Variants in AGBL4 observed in about 807,000 individuals in gnomAD.
AGBL4 encodes cytosolic carboxypeptidase 6.
Under a neutral mutation model 66.4 loss-of-function variants are expected in AGBL4, and 58 were observed. That is an observed-to-expected ratio of 0.87 (90% CI 0.71 to 1.09). The LOEUF (loss-of-function observed/expected upper bound fraction) is 1.09. Among genes scored for constraint, AGBL4 ranks in the 50% least tolerant of loss-of-function variants. AGBL4 has a pLI of 0.00. For synonymous variants in AGBL4, 234 were observed against 222.9 expected (o/e 1.05, Z -0.44); for missense variants, 579 against 631.0 (o/e 0.92, Z 0.88).
At chr1:49,658,076 C>G (rs1438850524) in intron 3 of AGBL4, among the ~76,000 whole-genome samples, 1 of 152,140 alleles carries the variant, frequency 6.6e-6, no homozygotes, top group Non-Finnish European at 1.5e-5. Context: ...AGGCAACCTA[C>G]AGAATGGGAG....
intron 9 of AGBL4, 109 bp from the exon 10 acceptor site, chr1:48,591,094 C>CCTG: frequency 1.3e-6 from 1 of 752,290 alleles, no homozygotes; most frequent in Non-Finnish European, 2.0e-6. Context: ...CCACCCACCC[C>CCTG]CCCCCACACA....
chr1:48,693,299 G>A (rs1002261420), intron 6 of AGBL4, among the ~76,000 whole-genome samples: 16 of 152,130 alleles, frequency 1.1e-4, no homozygotes, highest in African/African-American at 3.6e-4. Flanking sequence ...TATTTAGTCC[G>A]ATCTCACCAT....
intron 1 of AGBL4, among the ~76,000 whole-genome samples, chr1:49,953,702 C>CA (rs914196899): frequency 1.2e-3 from 170 of 142,964 alleles, no homozygotes; most frequent in East Asian, 8.1e-3. Flanking sequence ...TTCCAAACTC[C>CA]AAAAAAAAAA....
intron 2 of AGBL4, among the ~76,000 whole-genome samples, chr1:49,808,358 CAGG>C (rs1312539927): frequency 1.3e-5 from 2 of 152,116 alleles, no homozygotes; most frequent in Non-Finnish European, 2.9e-5. Context: ...AAAGGGAAGA[CAGG>C]AGGAGGCTCA....
At chr1:48,631,839 T>C (rs1645598697) in intron 9 of AGBL4, among the ~76,000 whole-genome samples, 1 of 152,134 alleles carries the variant, frequency 6.6e-6, no homozygotes, top group African/African-American at 2.4e-5. Flanking sequence ...AAACAGTTAG[T>C]GAGTGACAGG....
chr1:48,545,627 A>G (rs538955318), intron 11 of AGBL4, among the ~76,000 whole-genome samples: 12 of 152,304 alleles, frequency 7.9e-5, no homozygotes, highest in Admixed American at 7.2e-4. Flanking sequence ...TAAAATTCTC[A>G]TCATTTTCAG....
At chr1:49,379,105 T>A (rs1324789554) in intron 3 of AGBL4, among the ~76,000 whole-genome samples, 1 of 152,040 alleles carries the variant, frequency 6.6e-6, no homozygotes, top group African/African-American at 2.4e-5. Context: ...TGTGGAAGCA[T>A]CAGGGGGTCT....
At chr1:48,897,331 G>A (rs777453052) in intron 5 of AGBL4, among the ~76,000 whole-genome samples, 6 of 152,126 alleles carry the variant, frequency 3.9e-5, no homozygotes, top group East Asian at 1.9e-4. Flanking sequence ...TTTTATGGCC[G>A]ATTAATATTT....
intron 4 of AGBL4, among the ~76,000 whole-genome samples, chr1:49,121,424 T>C (rs950917329): frequency 1.3e-5 from 2 of 152,224 alleles, no homozygotes; most frequent in Non-Finnish European, 2.9e-5. Flanking sequence ...ATGTTGATGC[T>C]ATTCCTTTCC....
intron 3 of AGBL4, among the ~76,000 whole-genome samples, chr1:49,364,684 G>A (rs568132686): frequency 1.3e-5 from 2 of 152,166 alleles, no homozygotes; most frequent in Admixed American, 6.6e-5. Context: ...TGCCATGTTG[G>A]CCAGGCTGGT....
intron 3 of AGBL4, among the ~76,000 whole-genome samples, chr1:49,292,494 A>C (rs1338390724): frequency 6.6e-6 from 1 of 152,182 alleles, no homozygotes; most frequent in Non-Finnish European, 1.5e-5. Context: ...ATCAGAGTGC[A>C]TCTTCTCCCC....
intron 4 of AGBL4, among the ~76,000 whole-genome samples, chr1:49,066,185 A>G (rs189172345): frequency 1.3e-5 from 2 of 152,268 alleles, no homozygotes; most frequent in Non-Finnish European, 2.9e-5. Flanking sequence ...GGTAGCAATG[A>G]CTTGGAGAAT....
chr1:49,161,580 C>T (rs971244057), intron 4 of AGBL4, among the ~76,000 whole-genome samples: 5 of 152,282 alleles, frequency 3.3e-5, no homozygotes, highest in South Asian at 2.1e-4. Context: ...TAGGTTTGGA[C>T]GATTAGCACC....
chr1:48,719,965 A>G (rs896473399), intron 6 of AGBL4, among the ~76,000 whole-genome samples: 1 of 152,076 alleles, frequency 6.6e-6, no homozygotes, highest in African/African-American at 2.4e-5. Flanking sequence ...TCAAACTTCA[A>G]CCCATGAGAA....
chr1:49,482,423 T>C (rs898147629), intron 3 of AGBL4, among the ~76,000 whole-genome samples: 1 of 152,016 alleles, frequency 6.6e-6, no homozygotes, highest in Non-Finnish European at 1.5e-5. Flanking sequence ...AGTTTATGTG[T>C]CCATAGGGGT....
intron 1 of AGBL4, among the ~76,000 whole-genome samples, chr1:49,853,234 A>G (rs1470634039): frequency 6.6e-6 from 1 of 152,190 alleles, no homozygotes; most frequent in African/African-American, 2.4e-5. Flanking sequence ...TAAAGGCTGT[A>G]GTGGAAAATG....
chr1:49,974,222 G>A (rs900408412), intron 1 of AGBL4, among the ~76,000 whole-genome samples: 5 of 152,014 alleles, frequency 3.3e-5, no homozygotes, highest in African/African-American at 7.2e-5. Context: ...AGCTCAATGA[G>A]GGGAAACAGA....
At chr1:49,038,252 A>C (rs1664818962) in intron 5 of AGBL4, among the ~76,000 whole-genome samples, 1 of 152,092 alleles carries the variant, frequency 6.6e-6, no homozygotes, top group Admixed American at 6.6e-5. Context: ...GAGGCTATAC[A>C]TATGCACATA....
chr1:48,941,203 A>T (rs1311377323), intron 5 of AGBL4, among the ~76,000 whole-genome samples: 1 of 152,222 alleles, frequency 6.6e-6, no homozygotes, highest in African/African-American at 2.4e-5. Context: ...CATATGACCC[A>T]GATTAATAGC....
Sources: gnomAD v4.1 joint callset for allele counts (sites outside exome capture counted in the v4.1 genomes callset) on GRCh38, gnomAD v4.1.1 for gene constraint, MANE v1.5 for transcripts, NCBI Gene and HGNC (gene_info 2026-07-23, HGNC 2026-07-21) for gene names.